ODF2L: variants seen among roughly 807,000 people sequenced by gnomAD.
ODF2L encodes the protein protein BCAP.
Under a neutral mutation model 86.3 loss-of-function variants are expected in ODF2L, and 76 were observed. That is an observed-to-expected ratio of 0.88 (90% CI 0.73 to 1.07). The LOEUF (loss-of-function observed/expected upper bound fraction) is 1.07. ODF2L is among the 50% of genes least tolerant of loss of function. The probability of loss-of-function intolerance (pLI) is 0.00; values close to 1 mark genes in which losing one functional copy is unlikely to be tolerated. For missense variants in ODF2L, 748 were observed against 717.4 expected, an observed-to-expected ratio of 1.04 and a Z score of -0.49; for synonymous variants, 241 against 231.3, an observed-to-expected ratio of 1.04 and a Z score of -0.38.
At chr1:86,350,169 C>G (rs1658026616) in exon 18 of ODF2L, 1 of 164,450 alleles carries the variant, frequency 6.1e-6, no homozygotes, top group Admixed American at 6.5e-5. Flanking sequence ...AGGTTGGTTA[C>G]ATAGGTATAC....
intron 11 of ODF2L, among the ~76,000 whole-genome samples, chr1:86,366,001 G>A (rs1659384987): frequency 2.0e-5 from 3 of 152,164 alleles, no homozygotes; most frequent in Admixed American, 6.6e-5. Flanking sequence ...ATAACAGAGG[G>A]ACGGTGCTGG....
rs1306522094 is a variant in ODF2L at position 86,356,495 on chromosome 1, G to T, written c.1467C>A (p.Cys489Ter). The T allele has an allele frequency of 8.1e-6, 13 of 1,613,912 alleles. No individual in the cohort carries two copies. Among genetic ancestry groups the T allele is most frequent in the Non-Finnish European group, 9.3e-6 (11 of 1,179,892 alleles). Residue 489 changes from cysteine (C) to a stop codon, truncating the protein, a stop_gained, in exon 14 of 18, where the codon TGC becomes TGA. Transcript: ENST00000317336. LOFTEE classifies it high-confidence loss of function. Reference sequence around the variant, plus strand: ...GTTCCTGGTCTGCACACTTCCCCTTGCAGCACTGCAGACTCTCCTGACACT... The same window carrying T: ...GTTCCTGGTCTGCACACTTCCCCTTTCAGCACTGCAGACTCTCCTGACACT...
intron 1 of ODF2L, among the ~76,000 whole-genome samples, chr1:86,394,876 T>C (rs1442401428): frequency 1.4e-5 from 2 of 144,770 alleles, no homozygotes; most frequent in Non-Finnish European, 3.0e-5. Flanking sequence ...AGTCTCGCGC[T>C]GTCGCCCAGG....
intron 16 of ODF2L, 131 bp from the exon 16 acceptor site, chr1:86,353,115 T>C: frequency 1.6e-6 from 1 of 626,098 alleles, no homozygotes; most frequent in South Asian, 1.9e-5. Context: ...AAAGATGTTC[T>C]ATCTTGAAGA....
chr1:86,352,064 T>A (rs978349530), exon 18 of ODF2L: 4 of 1,348,722 alleles, frequency 3.0e-6, no homozygotes, highest in Non-Finnish European at 3.8e-6. Flanking sequence ...CGACGTTTTG[T>A]TCTGACTAAG....
intron 1 of ODF2L, among the ~76,000 whole-genome samples, chr1:86,389,542 C>G (rs1661168384): frequency 7.4e-6 from 1 of 134,634 alleles, no homozygotes; most frequent in African/African-American, 2.8e-5. Context: ...TAACCCAGAT[C>G]AGAGCAGAAC....
At chr1:86,375,985 C>CG (rs931590067) in intron 8 of ODF2L, among the ~76,000 whole-genome samples, 19 of 151,744 alleles carry the variant, frequency 1.3e-4, no homozygotes, top group Admixed American at 4.6e-4. Flanking sequence ...TGTGTGGAGG[C>CG]GGGGGGGACA....
At chr1:86,356,227 CTAAAA>C (rs59280239) in intron 14 of ODF2L, among the ~76,000 whole-genome samples, 55,076 of 151,204 alleles carry the variant, frequency 0.36, 10,365 homozygotes, top group African/African-American at 0.49. Context: ...CATGAATAAA[CTAAAA>C]TAAGAATTTT....
downstream of ODF2L, chr1:86,348,704 G>A: frequency 7.4e-7 from 1 of 1,345,960 alleles, no homozygotes; most frequent in African/African-American, 1.5e-5. Flanking sequence ...TCACATTTTA[G>A]ACTCATAATA....
chr1:86,371,732 T>C (rs1373595036), intron 9 of ODF2L, among the ~76,000 whole-genome samples: 1 of 152,024 alleles, frequency 6.6e-6, no homozygotes, highest in Non-Finnish European at 1.5e-5. Flanking sequence ...CAATCATTTT[T>C]ACGATTTTCA....
chr1:86,357,901 T>C, intron 13 of ODF2L: 1 of 985,052 alleles, frequency 1.0e-6, no homozygotes, highest in Non-Finnish European at 1.2e-6. Context: ...AAAGGAGACA[T>C]TTGCACTGGT....
exon 18 of ODF2L, chr1:86,351,644 C>T (rs1314789198): frequency 6.5e-6 from 1 of 152,846 alleles, no homozygotes; most frequent in African/African-American, 2.4e-5. Context: ...TCAATGGTAG[C>T]TTGATGGGGA....
intron 7 of ODF2L, among the ~76,000 whole-genome samples, chr1:86,380,728 C>T (rs1660525105): frequency 6.6e-6 from 1 of 152,046 alleles, no homozygotes; most frequent in African/African-American, 2.4e-5. Flanking sequence ...GTATACATGT[C>T]ACATTTTATA....
At chr1:86,384,736 G>A (rs748175185) in exon 4 of ODF2L, 3 of 1,528,412 alleles carry the variant, frequency 2.0e-6, no homozygotes, top group East Asian at 2.5e-5. Context: ...TTTTGAAGGT[G>A]TCTAATTCTT....
intron 1 of ODF2L, among the ~76,000 whole-genome samples, chr1:86,394,718 T>G (rs573810089): frequency 5.3e-5 from 8 of 151,684 alleles, no homozygotes; most frequent in Non-Finnish European, 1.0e-4. Flanking sequence ...CATTGTGAAA[T>G]AAGAAGATGA....
chr1:86,394,706 T>A (rs1306066085), intron 1 of ODF2L, among the ~76,000 whole-genome samples: 1 of 151,866 alleles, frequency 6.6e-6, no homozygotes, highest in Admixed American at 6.6e-5. Context: ...TAAATACACA[T>A]CCATTGTGAA....
intron 12 of ODF2L, 129 bp from the exon 12 acceptor site, chr1:86,359,020 T>C (rs1411594335): frequency 7.9e-6 from 4 of 507,040 alleles, no homozygotes; most frequent in Non-Finnish European, 1.4e-5. Flanking sequence ...GTTCATCTAA[T>C]GTTATTACTT....
At chr1:86,356,058 C>A in intron 14 of ODF2L, 2 of 215,956 alleles carry the variant, frequency 9.3e-6, no homozygotes, top group Non-Finnish European at 1.9e-5. Flanking sequence ...GAAAAATATC[C>A]CAAAAAACTT....
At chr1:86,347,027 A>C (rs537072409), downstream of ODF2L, 1 of 152,326 alleles carries the variant, frequency 6.6e-6, no homozygotes, top group Admixed American at 6.5e-5. Flanking sequence ...CACAATTATT[A>C]ACTCTGGCAC....
Sources: allele counts gnomAD v4.1 joint callset (sites outside exome capture counted in the v4.1 genomes callset), GRCh38; gene constraint gnomAD v4.1.1; transcripts MANE v1.5; gene names NCBI Gene and HGNC (gene_info 2026-07-23, HGNC 2026-07-21).